TASOR: variants seen among roughly 807,000 people sequenced by gnomAD.
TASOR encodes the protein protein TASOR.
TASOR carries 53 observed loss-of-function variants against 178.6 expected under a neutral mutation model. The observed-to-expected ratio is 0.30, with a 90% CI of 0.24 to 0.37. The LOEUF is 0.37. Ranked by LOEUF, TASOR falls within the 10% of genes least tolerant of loss-of-function variation. The pLI, the probability that TASOR is intolerant of heterozygous loss-of-function variation, is 1.00. For synonymous variants in TASOR, 713 were observed against 696.2 expected, an observed-to-expected ratio of 1.02 and a Z score of -0.38; for missense variants, 1,815 against 1,971.4, an observed-to-expected ratio of 0.92 and a Z score of 1.50.
chr3:56,643,635 G>A (rs551844367), intron 14 of TASOR, among the ~76,000 whole-genome samples: 30 of 151,742 alleles, frequency 2.0e-4, no homozygotes, highest in Admixed American at 2.6e-4. Context: ...GGTGGCGGGC[G>A]CCCCAGCTAC....
Position 56,662,459 on chromosome 3 carries a change from C to G in TASOR, c.1086G>C (p.Gln362His). The change falls in exon 9 of 24, where the codon CAG becomes CAC. Residue 362 changes from glutamine to histidine, a missense_variant. Physicochemically the swap from Gln to His is conservative, Grantham distance 24. Coordinates refer to ENST00000683822, the MANE Select transcript of TASOR (RefSeq NM_001365635.2). Reference sequence around the variant, plus strand: ...ACAAAAGTTTTCCTTTATTTAAAAGCTGTCCTTTCCACAAGGTATAGTTAT... The same window carrying G: ...ACAAAAGTTTTCCTTTATTTAAAAGGTGTCCTTTCCACAAGGTATAGTTAT... ...DKYNYTLWKG[Q>H]LLNKGKLLCY... 1 of 1,540,978 alleles carries G rather than the reference C, an allele frequency of 6.5e-7. No individual in the cohort carries two copies. The highest frequency in any genetic ancestry group is 8.8e-7 in the Non-Finnish European group (1 of 1,139,516).
At chr3:56,654,805 T>C (rs2077435081) in intron 11 of TASOR, among the ~76,000 whole-genome samples, 1 of 152,134 alleles carries the variant, frequency 6.6e-6, no homozygotes, top group South Asian at 2.1e-4. Context: ...TCTTCCTGAG[T>C]CTTGAGCCTG....
chr3:56,633,867 T>G lies in TASOR; in HGVS notation c.2924A>C (p.Gln975Pro). 1.2e-6 allele frequency: 2 copies of G among 1,611,244 alleles called. No homozygotes were observed. The highest frequency in any genetic ancestry group is 1.7e-6 in the Non-Finnish European group (2 of 1,178,544). The change falls in exon 18 of 24, where the codon CAG becomes CCG. Residue 975 changes from glutamine to proline, a missense_variant. This residue lies in a region of TASOR where 655 missense variants were observed against 671.1 expected (regional missense o/e 0.98). Coordinates refer to ENST00000683822, the MANE Select transcript of TASOR (RefSeq NM_001365635.2). The part of the protein sequence containing the change: ...VINRQRSSDY[Q>P]FPSSPFTDTL... ...GTCTGTAAATGGAGAGGATGGAAAC[T>G]GGTAATCAGAACTTCTCTGTCTATT...
At position 56,670,124 on chromosome 3, in the gene TASOR, CT is replaced by C; in HGVS notation, c.591del (p.Gly198AspfsTer9). The C allele has an allele frequency of 1.3e-6, 2 of 1,537,540 alleles. No homozygotes were observed. The highest frequency in any genetic ancestry group is 1.2e-5 in the South Asian group (1 of 80,140). ...ATTTTGGACTGACCCACATGTAATCCTTTTTCACATATGGTTTGAACCTAAA... is the reference window on the plus strand; with the variant it reads ...ATTTTGGACTGACCCACATGTAATCCTTTTCACATATGGTTTGAACCTAAA... ...DRYQVQTICE[K>X]GLHVGQSKIT... On this transcript the variant is annotated frameshift_variant, in exon 4 of 24. Transcript: ENST00000683822. LOFTEE classifies it high-confidence loss of function.
At chr3:56,639,175 C>T (rs780790552) in intron 16 of TASOR, among the ~76,000 whole-genome samples, 23 of 152,236 alleles carry the variant, frequency 1.5e-4, no homozygotes, top group Non-Finnish European at 2.6e-4. Context: ...TCAGAGTCCT[C>T]GGAAGTCTCA....
rs375725979 is a variant in TASOR, at chr3:56,623,917, G to T, written c.4484-351C>A. 1.1e-4 allele frequency: 129 copies of T among 1,220,650 alleles called. 3 individuals carry two copies. In the South Asian group the frequency reaches 1.7e-3, roughly 17 times the overall value. The allele number at this position is 1,220,650 out of a possible 1,614,324, so 75.6% of individuals were successfully genotyped here. On this transcript the variant is annotated intron_variant, in intron 23 of 23. Coordinates refer to ENST00000683822, the MANE Select transcript of TASOR (RefSeq NM_001365635.2). Reference sequence around the variant, plus strand: ...AATTTTTTGACATCTAGCTTCACTGGATTACTAAACTAGTTGGTTAGCACT... The same window carrying T: ...AATTTTTTGACATCTAGCTTCACTGTATTACTAAACTAGTTGGTTAGCACT...
chr3:56,642,336 A>G (rs1006863531), intron 14 of TASOR, among the ~76,000 whole-genome samples: 2 of 152,250 alleles, frequency 1.3e-5, no homozygotes, highest in African/African-American at 2.4e-5. Flanking sequence ...AAAAAGTATT[A>G]TAAGAGGAAA....
intron 9 of TASOR, among the ~76,000 whole-genome samples, chr3:56,661,783 C>G (rs973603217): frequency 3.9e-5 from 6 of 152,198 alleles, no homozygotes; most frequent in Admixed American, 3.9e-4. Context: ...AAAAATATAT[C>G]TACTTAGAAT....
intron 1 of TASOR, among the ~76,000 whole-genome samples, chr3:56,680,570 T>C (rs201216797): frequency 1.1e-5 from 1 of 87,950 alleles, no homozygotes; most frequent in African/African-American, 8.7e-5. Context: ...GCACTGTTTT[T>C]GAATTTTTTT....
intron 1 of TASOR, among the ~76,000 whole-genome samples, chr3:56,676,384 G>A (rs1268731060): frequency 3.9e-5 from 6 of 152,164 alleles, no homozygotes; most frequent in African/African-American, 1.4e-4. Context: ...GAGGGTAGAA[G>A]GCATATATTG....
rs139271552 is a variant in TASOR at position 56,641,001 on chromosome 3, G to A, written c.2619+348C>T. ...CACCTTTGGGTTCTCTGTTACTGCC[G>A]ACAGAAAGCCAATGCTTTAATAATT... On this transcript the variant is annotated intron_variant, in intron 15 of 23. Transcript: ENST00000683822. Among the ~76,000 whole-genome samples the A allele has an allele frequency of 2.9e-3, 438 of 152,158 alleles. 6 individuals carry two copies. The highest frequency in any genetic ancestry group is 0.01 in the African/African-American group (419 of 41,510).
chr3:56,646,968 G>A lies in TASOR; in HGVS notation c.1769C>T (p.Ser590Leu), dbSNP rs771218781. Residue 590 changes from serine to leucine, a missense_variant, in exon 14 of 24, where the codon TCA becomes TTA. This residue lies in a region of TASOR where 504 missense variants were observed against 645.3 expected (regional missense o/e 0.78). Transcript: ENST00000683822. ...AATATGGGATTTATTTCTGGGAGCT[G>A]AGTATAAGAATTTTTTATCATCTAA... The part of the protein sequence containing the change: ...SRLDDKKFLY[S>L]APRNKSHIDT... 1 of 1,609,974 alleles carries A rather than the reference G, an allele frequency of 6.2e-7. No homozygotes were observed. The highest frequency in any genetic ancestry group is 1.1e-5 in the South Asian group (1 of 89,518).
At position 56,668,355 on chromosome 3, in the gene TASOR, C is replaced by CA. The variant is rs1319567761; in HGVS notation, c.897+41dup. Reference sequence around the variant, plus strand: ...ACATTTTAAAGGATTTGGTAACAAACAGGTATGAGATCACAACATTACAAC... The same window carrying CA: ...ACATTTTAAAGGATTTGGTAACAAACAAGGTATGAGATCACAACATTACAAC... On this transcript the variant is annotated intron_variant, in intron 6 of 23. Transcript: ENST00000683822. 8.5e-6 allele frequency: 13 copies of CA among 1,531,986 alleles called. No homozygotes were observed. In the East Asian group the frequency reaches 3.2e-4, roughly 38 times the overall value. The allele number at this position is 1,531,986 out of a possible 1,614,324, so 94.9% of individuals were successfully genotyped here. A position where few individuals can be genotyped will look rare whatever the true frequency, so the allele number is the denominator to read the frequency against.
At chr3:56,650,494 G>C (rs563744034) in intron 11 of TASOR, among the ~76,000 whole-genome samples, 1 of 152,110 alleles carries the variant, frequency 6.6e-6, no homozygotes, top group Non-Finnish European at 1.5e-5. Flanking sequence ...TAAAGTCATG[G>C]GGTCAGATGA....
At chr3:56,632,967 A>G in intron 18 of TASOR, 77 bp downstream of exon 18, 1 of 1,206,852 alleles carries the variant, frequency 8.3e-7, no homozygotes, top group East Asian at 2.4e-5. Context: ...TTTAAATACA[A>G]AAAACTTCCA....
chr3:56,674,885 C>T (rs1367168508), intron 1 of TASOR, among the ~76,000 whole-genome samples: 2 of 152,152 alleles, frequency 1.3e-5, no homozygotes, highest in African/African-American at 4.8e-5. Flanking sequence ...GTGACACAAT[C>T]TTGGCTCACT....
At chr3:56,666,212 G>A (rs2029949205) in intron 7 of TASOR, 48 bp downstream of exon 7, 8 of 1,450,120 alleles carry the variant, frequency 5.5e-6, no homozygotes, top group Non-Finnish European at 7.3e-6. Context: ...TACAGGATCT[G>A]TAGTAGAATT....
chr3:56,669,989 C>A, intron 4 of TASOR, 84 bp downstream of exon 4: 1 of 980,980 alleles, frequency 1.0e-6, no homozygotes, highest in Non-Finnish European at 1.5e-6. Context: ...AATTTAATAA[C>A]AACTGCAGTG....
chr3:56,679,446 C>G (rs2031604067), intron 1 of TASOR, among the ~76,000 whole-genome samples: 1 of 152,162 alleles, frequency 6.6e-6, no homozygotes. Context: ...AGCTATTGTT[C>G]TCAGAACCCA....
Sources: gnomAD v4.1 joint callset for allele counts (sites outside exome capture counted in the v4.1 genomes callset) on GRCh38, gnomAD v4.1.1 for gene constraint, gnomAD v4.1.1 regional missense constraint, MANE v1.5 for transcripts, NCBI Gene and HGNC (gene_info 2026-07-23, HGNC 2026-07-21) for gene names.